The following LRFN5 variants were observed in gnomAD, a reference collection of about 807,000 sequenced individuals.
LRFN5 encodes leucine rich repeat and fibronectin type III domain containing 5, also known as leucine-rich repeat and fibronectin type-III domain-containing protein 5.
LRFN5 carries 24 observed loss-of-function variants against 45.6 expected under a neutral mutation model. The ratio of observed to expected loss-of-function variants is 0.53; its 90% confidence interval spans 0.38 to 0.74. The LOEUF (loss-of-function observed/expected upper bound fraction) is 0.74, where lower values mean the gene tolerates loss of function less well. LRFN5 is among the 30% of genes least tolerant of loss of function. The pLI, the probability that LRFN5 is intolerant of heterozygous loss-of-function variation, is 0.00. For missense variants in LRFN5, 776 were observed against 861.5 expected, an observed-to-expected ratio of 0.90 and a Z score of 1.24; for synonymous variants, 340 against 313.8, an observed-to-expected ratio of 1.08 and a Z score of -0.88.
chr14:41,772,388 G>A lies in LRFN5; in HGVS notation c.-21+5359G>A, dbSNP rs74045410. On this transcript the variant is annotated intron_variant, in intron 2 of 5. Coordinates refer to ENST00000298119, the MANE Select transcript of LRFN5 (RefSeq NM_152447.5). Reference sequence around the variant, plus strand: ...ATACTTCACTGCCTAAAATCATCCCGTAAAATATGATCCACAAAAACATAC... The same window carrying A: ...ATACTTCACTGCCTAAAATCATCCCATAAAATATGATCCACAAAAACATAC... Among the ~76,000 whole-genome samples the A allele has an allele frequency of 1.8e-3, 270 of 152,154 alleles. 1 individual carries two copies. Among genetic ancestry groups the A allele is most frequent in the African/African-American group, 5.5e-3 (228 of 41,518 alleles).
intron 2 of LRFN5, among the ~76,000 whole-genome samples, chr14:41,818,500 CACAA>C (rs942809207): frequency 1.3e-5 from 2 of 151,812 alleles, no homozygotes; most frequent in Non-Finnish European, 2.9e-5. Flanking sequence ...TATACACACA[CACAA>C]ACACACACAC....
chr14:41,871,302 T>C (rs966840782), intron 2 of LRFN5, among the ~76,000 whole-genome samples: 2 of 152,068 alleles, frequency 1.3e-5, no homozygotes, highest in Non-Finnish European at 2.9e-5. Flanking sequence ...TACTCCCAGA[T>C]TTAGGCCAGG....
intron 2 of LRFN5, among the ~76,000 whole-genome samples, chr14:41,782,772 C>T (rs763135988): frequency 6.6e-5 from 10 of 152,232 alleles, no homozygotes; most frequent in Non-Finnish European, 1.5e-4. Flanking sequence ...CACTGTTGGG[C>T]TTCTCCAAGT....
chr14:41,618,617 G>C (rs1378047416), intron 1 of LRFN5, among the ~76,000 whole-genome samples: 1 of 152,034 alleles, frequency 6.6e-6, no homozygotes, highest in East Asian at 1.9e-4. Flanking sequence ...ACCAGCTGAG[G>C]CTAGCCCAAA....
At chr14:41,719,708 T>C (rs1455780691) in intron 1 of LRFN5, among the ~76,000 whole-genome samples, 1 of 151,810 alleles carries the variant, frequency 6.6e-6, no homozygotes, top group African/African-American at 2.4e-5. Flanking sequence ...TTTTGATAGA[T>C]TTTGAGATGT....
chr14:41,798,710 C>T (rs1264462954), intron 2 of LRFN5, among the ~76,000 whole-genome samples: 1 of 151,850 alleles, frequency 6.6e-6, no homozygotes, highest in Non-Finnish European at 1.5e-5. Context: ...GAAACATTGT[C>T]TCATTAGAGG....
chr14:41,659,848 T>C (rs764051540), intron 1 of LRFN5, among the ~76,000 whole-genome samples: 1 of 152,022 alleles, frequency 6.6e-6, no homozygotes, highest in African/African-American at 2.4e-5. Context: ...ATGAATGCCT[T>C]CTTTTGAGAA....
At chr14:41,862,553 T>A (rs1889701878) in intron 2 of LRFN5, among the ~76,000 whole-genome samples, 1 of 152,186 alleles carries the variant, frequency 6.6e-6, no homozygotes, top group South Asian at 2.1e-4. Context: ...GAGCATGCAC[T>A]CGTGTTGGAT....
intron 1 of LRFN5, among the ~76,000 whole-genome samples, chr14:41,667,707 C>T (rs1253496972): frequency 1.3e-5 from 2 of 152,068 alleles, no homozygotes; most frequent in Non-Finnish European, 2.9e-5. Context: ...TTTGATTAGC[C>T]AGTATCTGTT....
intron 2 of LRFN5, among the ~76,000 whole-genome samples, chr14:41,810,546 A>G (rs1887702465): frequency 6.6e-6 from 1 of 152,070 alleles, no homozygotes; most frequent in African/African-American, 2.4e-5. Flanking sequence ...AAATAGGAGA[A>G]TAGTTTTTCA....
chr14:41,836,635 C>G (rs548702165), intron 2 of LRFN5, among the ~76,000 whole-genome samples: 2 of 152,170 alleles, frequency 1.3e-5, no homozygotes, highest in Non-Finnish European at 2.9e-5. Flanking sequence ...CCAGCAACAA[C>G]TGGATCAAAT....
chr14:41,697,393 AAGTT>A (rs1882658231), intron 1 of LRFN5, among the ~76,000 whole-genome samples: 1 of 151,874 alleles, frequency 6.6e-6, no homozygotes, highest in Admixed American at 6.6e-5. Context: ...TCAGAAGTGG[AAGTT>A]AGTTTAATAA....
chr14:41,675,289 C>A (rs1881566110), intron 1 of LRFN5, among the ~76,000 whole-genome samples: 2 of 152,240 alleles, frequency 1.3e-5, no homozygotes. Context: ...CGAGATCACG[C>A]CACTGTGCTC....
At chr14:41,890,884 A>G (rs1890756962) in intron 3 of LRFN5, among the ~76,000 whole-genome samples, 1 of 152,052 alleles carries the variant, frequency 6.6e-6, no homozygotes, top group South Asian at 2.1e-4. Context: ...TTAGTCATAG[A>G]GGTATTGTAA....
chr14:41,756,923 A>C (rs1020315419), intron 1 of LRFN5, among the ~76,000 whole-genome samples: 2 of 152,160 alleles, frequency 1.3e-5, no homozygotes, highest in Non-Finnish European at 2.9e-5. Flanking sequence ...GGTGACGTAC[A>C]GATGGGGTTT....
At chr14:41,720,519 G>A (rs562089480) in intron 1 of LRFN5, among the ~76,000 whole-genome samples, 109 of 151,958 alleles carry the variant, frequency 7.2e-4, no homozygotes, top group Non-Finnish European at 1.4e-3. Context: ...TAGGTGTTTA[G>A]GGTTATAAAC....
intron 5 of LRFN5, among the ~76,000 whole-genome samples, chr14:41,902,550 G>A (rs1023195045): frequency 1.3e-5 from 2 of 151,608 alleles, no homozygotes; most frequent in African/African-American, 4.8e-5. Flanking sequence ...ATTTCCTACT[G>A]TTCAAATATA....
intron 2 of LRFN5, among the ~76,000 whole-genome samples, chr14:41,831,379 G>C (rs1478982395): frequency 1.3e-5 from 2 of 151,996 alleles, no homozygotes; most frequent in Non-Finnish European, 2.9e-5. Flanking sequence ...TACATACATA[G>C]ACATAAACAC....
intron 2 of LRFN5, among the ~76,000 whole-genome samples, chr14:41,821,676 A>G (rs935405845): frequency 2.2e-5 from 3 of 134,596 alleles, no homozygotes; most frequent in African/African-American, 8.4e-5. Flanking sequence ...CTCTTTTTTG[A>G]TTTTTTTGAA....
Sources: allele counts gnomAD v4.1 joint callset (sites outside exome capture counted in the v4.1 genomes callset), GRCh38; gene constraint gnomAD v4.1.1; transcripts MANE v1.5; gene names NCBI Gene and HGNC (gene_info 2026-07-23, HGNC 2026-07-21).